Variants in KIF5C observed in about 807,000 individuals in gnomAD.
KIF5C encodes kinesin family member 5C.
A neutral mutation model predicts 125.2 loss-of-function variants in KIF5C; 18 were observed. The ratio of observed to expected loss-of-function variants is 0.14; its 90% CI spans 0.10 to 0.21. The LOEUF is 0.21. KIF5C is among the 10% of genes least tolerant of loss of function. The probability of loss-of-function intolerance (pLI) is 1.00; values close to 1 mark genes in which losing one functional copy is unlikely to be tolerated. For missense variants in KIF5C, 780 were observed against 1,183.8 expected, an observed-to-expected ratio of 0.66 and a Z score of 5.01; for synonymous variants, 405 against 434.0, an observed-to-expected ratio of 0.93 and a Z score of 0.83.
intron 1 of KIF5C, among the ~76,000 whole-genome samples, chr2:148,895,872 ACACC>A (rs35534052): frequency 0.23 from 18,884 of 83,880 alleles, 1,505 homozygotes; most frequent in Middle Eastern, 0.32. Flanking sequence ...ACACACACAC[ACACC>A]CACAGAGATC....
At chr2:148,951,208 C>T (rs1682649903) in intron 10 of KIF5C, among the ~76,000 whole-genome samples, 1 of 152,054 alleles carries the variant, frequency 6.6e-6, no homozygotes, top group African/African-American at 2.4e-5. Flanking sequence ...TAGGTGAATG[C>T]AGAAGAGAGG....
intron 3 of KIF5C, 134 bp from the exon 4 acceptor site, chr2:148,937,150 G>A: frequency 7.6e-7 from 1 of 1,307,382 alleles, no homozygotes. Flanking sequence ...AGATGCCCAA[G>A]GGAGCTGGCA....
At position 148,947,014 on chromosome 2, in the gene KIF5C, G is replaced by A. The variant is rs755532296; in HGVS notation, c.705G>A (p.Gly235=). 13 of 1,610,648 alleles carry A rather than the reference G, an allele frequency of 8.1e-6. No individual in the cohort carries two copies. The East Asian group carries it at 2.5e-4, about 30-fold the overall frequency. ...AACTTTATTTGGTTGATTTGGCTGG[G>A]AGCGAAAAGGTAATTTGTTCTTTAT... ...SGKLYLVDLA[G]SEKVSKTGAE... The change falls in exon 8 of 26, where the codon GGG becomes GGA. Residue 235 remains glycine (G), a synonymous_variant. Coordinates refer to ENST00000435030, the MANE Select transcript of KIF5C (RefSeq NM_004522.3).
At chr2:148,989,175 C>A (rs1334036873) in intron 15 of KIF5C, among the ~76,000 whole-genome samples, 1 of 152,056 alleles carries the variant, frequency 6.6e-6, no homozygotes, top group African/African-American at 2.4e-5. Flanking sequence ...CCTTTGTGTC[C>A]TCATAGCTAG....
chr2:148,968,132 C>G (rs1208722255), intron 11 of KIF5C, among the ~76,000 whole-genome samples: 10 of 152,112 alleles, frequency 6.6e-5, no homozygotes, highest in Admixed American at 6.5e-4. Context: ...AGGAAATGAC[C>G]TGACAAACTG....
At chr2:148,881,928 CA>C (rs939963407) in intron 1 of KIF5C, among the ~76,000 whole-genome samples, 1 of 152,012 alleles carries the variant, frequency 6.6e-6, no homozygotes, top group Non-Finnish European at 1.5e-5. Context: ...CTCTTGAGTT[CA>C]AAAAAATAAA....
intron 17 of KIF5C, among the ~76,000 whole-genome samples, chr2:148,995,203 A>G (rs1482692599): frequency 6.6e-6 from 1 of 152,100 alleles, no homozygotes; most frequent in Non-Finnish European, 1.5e-5. Context: ...CCATCTACCC[A>G]TGCCCACCCT....
chr2:148,947,180 C>T (rs1682537895), intron 8 of KIF5C, 157 bp downstream of exon 8: 3 of 1,208,860 alleles, frequency 2.5e-6, no homozygotes, highest in Middle Eastern at 2.9e-4. Flanking sequence ...ACCCTTTGTC[C>T]CTGCTTTCTT....
intron 10 of KIF5C, among the ~76,000 whole-genome samples, chr2:148,953,085 G>T (rs149223205): frequency 6.6e-6 from 1 of 152,178 alleles, no homozygotes; most frequent in East Asian, 1.9e-4. Context: ...AATGAAATAG[G>T]TCGGTCTACA....
chr2:148,916,650 T>A (rs1011030006), intron 1 of KIF5C, among the ~76,000 whole-genome samples: 160 of 151,336 alleles, frequency 1.1e-3, no homozygotes, highest in African/African-American at 2.2e-3. Context: ...TTTTTTTTTT[T>A]AAAAACAGAA....
chr2:148,981,921 T>A (rs761293690), intron 14 of KIF5C, among the ~76,000 whole-genome samples: 16 of 152,214 alleles, frequency 1.1e-4, no homozygotes, highest in Non-Finnish European at 1.8e-4. Context: ...GAGTATTCAT[T>A]CCCTTATCTG....
At chr2:148,953,705 G>A (rs1191649024) in intron 10 of KIF5C, among the ~76,000 whole-genome samples, 2 of 152,118 alleles carry the variant, frequency 1.3e-5, no homozygotes, top group South Asian at 4.1e-4. Context: ...GAGAGTACAC[G>A]TTTGTTCTGC....
intron 10 of KIF5C, among the ~76,000 whole-genome samples, chr2:148,951,869 G>A (rs1225758861): frequency 2.0e-5 from 3 of 152,126 alleles, no homozygotes; most frequent in Non-Finnish European, 2.9e-5. Context: ...ATTCTGTCTG[G>A]GAAATTGTTA....
chr2:148,962,086 C>G lies in KIF5C; in HGVS notation c.1084C>G (p.His362Asp). 1 of 1,611,996 alleles carries G rather than the reference C, an allele frequency of 6.2e-7. No homozygotes were observed. The highest frequency in any genetic ancestry group is 8.5e-7 in the Non-Finnish European group (1 of 1,178,908). The change falls in exon 11 of 26, where the codon CAT becomes GAT. Residue 362 changes from histidine to aspartate, a missense_variant. Around this residue, in one of 2 missense-constraint regions of KIF5C, gnomAD observed 573 missense variants for 742.6 expected, o/e 0.77. Coordinates refer to ENST00000435030, the MANE Select transcript of KIF5C (RefSeq NM_004522.3). ...CAAGACTTTGAAGAATGTTATCCAG[C>G]ATCTGGAGATGGAGCTAAACAGGTG... ...KNKTLKNVIQ[H>D]LEMELNRWRN...
rs1681190903 is a variant in KIF5C at position 148,876,347 on chromosome 2, C to A, written c.126+604C>A. Among the ~76,000 whole-genome samples the A allele has an allele frequency of 6.6e-6, 1 of 152,160 alleles. No homozygotes were observed. Among genetic ancestry groups the A allele is most frequent in the Non-Finnish European group, 1.5e-5 (1 of 68,012 alleles). On this transcript the variant is annotated intron_variant, in intron 1 of 25. Coordinates refer to ENST00000435030, the MANE Select transcript of KIF5C (RefSeq NM_004522.3). The surrounding 1 kb of genome is among the most constrained non-coding windows in gnomAD (Gnocchi z 4.7). ...GGGGAGTACTGGTGGCCTCGGTGTC[C>A]CCTGGAGGCCTGGTGTGTCTCCCGC...
intron 14 of KIF5C, among the ~76,000 whole-genome samples, chr2:148,982,350 GAA>G (rs1681258926): frequency 6.6e-6 from 1 of 152,190 alleles, no homozygotes. Context: ...TTTCTACCTG[GAA>G]AATGGGTGGT....
At chr2:148,916,839 C>A (rs1681573388) in intron 1 of KIF5C, among the ~76,000 whole-genome samples, 1 of 152,130 alleles carries the variant, frequency 6.6e-6, no homozygotes, top group Admixed American at 6.5e-5. Context: ...ACTTCTAGAG[C>A]ACTGGATAGG....
intron 1 of KIF5C, among the ~76,000 whole-genome samples, chr2:148,912,236 C>A (rs990985787): frequency 6.6e-6 from 1 of 152,168 alleles, no homozygotes; most frequent in Non-Finnish European, 1.5e-5. Flanking sequence ...AGAGTTTGTT[C>A]TTCAAATTCC....
chr2:148,971,251 T>C (rs1443293290), intron 11 of KIF5C, among the ~76,000 whole-genome samples: 2 of 151,960 alleles, frequency 1.3e-5, no homozygotes, highest in African/African-American at 2.4e-5. Context: ...TCCTGAATTA[T>C]TGTGTGATTA....
Sources: gnomAD v4.1 joint callset for allele counts (sites outside exome capture counted in the v4.1 genomes callset) on GRCh38, gnomAD v4.1.1 for gene constraint, gnomAD v4.1.1 regional missense constraint, Gnocchi (gnomAD v3.1) non-coding constraint, MANE v1.5 for transcripts, NCBI Gene and HGNC (gene_info 2026-07-23, HGNC 2026-07-21) for gene names.